The following ROBO1 variants were observed in gnomAD, a reference collection of about 807,000 sequenced individuals.
The protein encoded by ROBO1 is roundabout homolog 1.
A neutral mutation model predicts 195.9 loss-of-function variants in ROBO1; 149 were observed. The observed-to-expected ratio is 0.76, with a 90% confidence interval of 0.67 to 0.87. ROBO1 has a LOEUF of 0.87. Ranked by LOEUF, ROBO1 falls within the 40% of genes least tolerant of loss-of-function variation. ROBO1 has a pLI of 0.00. For synonymous variants in ROBO1, 816 were observed against 733.2 expected (o/e 1.11, Z -1.82); for missense variants, 1,933 against 2,068.3 (o/e 0.93, Z 1.27).
intron 2 of ROBO1, among the ~76,000 whole-genome samples, chr3:79,372,360 C>A (rs930631322): frequency 4.6e-5 from 7 of 152,008 alleles, no homozygotes; most frequent in African/African-American, 1.7e-4. Flanking sequence ...GTGGATGTGC[C>A]ACCACACCCA....
At chr3:79,159,607 G>C (rs761617409) in intron 2 of ROBO1, among the ~76,000 whole-genome samples, 2 of 151,960 alleles carry the variant, frequency 1.3e-5, no homozygotes, top group African/African-American at 2.4e-5. Flanking sequence ...TTGTATAATT[G>C]ATTGAGTCTC....
chr3:79,541,501 T>C (rs1942065226), intron 2 of ROBO1, among the ~76,000 whole-genome samples: 1 of 152,098 alleles, frequency 6.6e-6, no homozygotes, highest in Admixed American at 6.6e-5. Flanking sequence ...AGAGACAGTA[T>C]TTCTTTAAGG....
At chr3:78,651,973 C>A in intron 18 of ROBO1, 44 bp from the exon 19 acceptor site, 1 of 1,447,492 alleles carries the variant, frequency 6.9e-7, no homozygotes, top group Admixed American at 1.8e-5. Flanking sequence ...AGACTCAATG[C>A]AATAATGCAC....
intron 2 of ROBO1, among the ~76,000 whole-genome samples, chr3:79,557,673 C>T (rs544174989): frequency 1.4e-5 from 2 of 141,108 alleles, no homozygotes; most frequent in African/African-American, 2.8e-5. Flanking sequence ...GGTAGATGTT[C>T]GGTGACCCGA....
intron 2 of ROBO1, among the ~76,000 whole-genome samples, chr3:79,279,761 G>A (rs1442795910): frequency 6.6e-6 from 1 of 150,506 alleles, no homozygotes; most frequent in Non-Finnish European, 1.5e-5. Context: ...GTGATGTGAT[G>A]TATATATCAC....
At chr3:79,352,418 A>C (rs1559838607) in intron 2 of ROBO1, among the ~76,000 whole-genome samples, 1 of 152,238 alleles carries the variant, frequency 6.6e-6, no homozygotes, top group African/African-American at 2.4e-5. Context: ...TTACACAACT[A>C]TAATGCATTA....
intron 2 of ROBO1, among the ~76,000 whole-genome samples, chr3:79,178,156 T>G (rs981289140): frequency 6.6e-6 from 1 of 152,268 alleles, no homozygotes; most frequent in African/African-American, 2.4e-5. Flanking sequence ...TGGTAAAAGA[T>G]GCTTACTCAA....
At chr3:78,672,859 C>T (rs542709837) in intron 10 of ROBO1, among the ~76,000 whole-genome samples, 1 of 152,126 alleles carries the variant, frequency 6.6e-6, no homozygotes, top group East Asian at 1.9e-4. Context: ...GTGTAAGAAT[C>T]AGAAATGTTT....
At chr3:79,191,274 T>C (rs1293594151) in intron 2 of ROBO1, among the ~76,000 whole-genome samples, 1 of 151,448 alleles carries the variant, frequency 6.6e-6, no homozygotes, top group Non-Finnish European at 1.5e-5. Context: ...GATTTTTACA[T>C]AAGGCATACC....
chr3:79,588,720 A>T (rs950570420), intron 2 of ROBO1, among the ~76,000 whole-genome samples: 1 of 151,772 alleles, frequency 6.6e-6, no homozygotes, highest in African/African-American at 2.4e-5. Context: ...GGCTAAAATA[A>T]GAATACGTAG....
At chr3:79,108,450 A>G (rs964058308) in intron 3 of ROBO1, among the ~76,000 whole-genome samples, 10 of 151,826 alleles carry the variant, frequency 6.6e-5, no homozygotes, top group Admixed American at 6.6e-4. Context: ...ATTAAGTTCT[A>G]GAGAAATGTA....
At chr3:78,638,185 A>T (rs973810) in intron 22 of ROBO1, among the ~76,000 whole-genome samples, 1 of 145,598 alleles carries the variant, frequency 6.9e-6, no homozygotes, top group Admixed American at 6.7e-5. Context: ...GTGTGTGTGT[A>T]TATATATGTG....
intron 2 of ROBO1, among the ~76,000 whole-genome samples, chr3:79,517,104 G>A (rs199603157): frequency 5.9e-5 from 9 of 152,044 alleles, no homozygotes; most frequent in East Asian, 3.9e-4. Flanking sequence ...AAAATCATGC[G>A]CAGTCATTCC....
At position 79,196,180 on chromosome 3, in the gene ROBO1, G is replaced by GA. The variant is rs1490685657; in HGVS notation, c.89-70642dup. 2.0e-5 allele frequency among the ~76,000 whole-genome samples: 3 copies of GA among 151,410 alleles called. No individual in the cohort carries two copies. In the East Asian group the frequency reaches 5.8e-4, roughly 29 times the overall value. On this transcript the variant is annotated intron_variant, in intron 2 of 30. Transcript: ENST00000464233. ...AAGTGATGGATAAGGATACATTGTG[G>GA]AAAAGGTTTCTATCTTTCCAAGAGA...
chr3:79,317,135 C>T (rs372435730), intron 2 of ROBO1, among the ~76,000 whole-genome samples: 18 of 152,216 alleles, frequency 1.2e-4, no homozygotes, highest in African/African-American at 4.1e-4. Flanking sequence ...TAAGAATTCC[C>T]ATTTCCTAAG....
Position 79,280,341 on chromosome 3 carries a change from G to C in ROBO1, c.89-154802C>G, listed in dbSNP as rs2031410251. On this transcript the variant is annotated intron_variant, in intron 2 of 30. Coordinates refer to ENST00000464233, the MANE Select transcript of ROBO1 (RefSeq NM_002941.4). ...TTTGAAATATCATTATGTACTCTGAGAATATGTACAATTATTATTTTTAAT... is the reference window on the plus strand; with the variant it reads ...TTTGAAATATCATTATGTACTCTGACAATATGTACAATTATTATTTTTAAT... 2.0e-5 allele frequency among the ~76,000 whole-genome samples: 3 copies of C among 152,026 alleles called. No individual in the cohort carries two copies. In the South Asian group the frequency reaches 6.2e-4, roughly 31 times the overall value.
At chr3:79,494,764 G>GA (rs1056870910) in intron 2 of ROBO1, among the ~76,000 whole-genome samples, 3 of 151,998 alleles carry the variant, frequency 2.0e-5, no homozygotes, top group Non-Finnish European at 2.9e-5. Flanking sequence ...AGATATAACA[G>GA]AAAAAAATAT....
chr3:79,102,889 G>T (rs1448007505), intron 3 of ROBO1, among the ~76,000 whole-genome samples: 2 of 151,614 alleles, frequency 1.3e-5, no homozygotes, highest in Non-Finnish European at 2.9e-5. Flanking sequence ...TTCTAATTAA[G>T]AATAGTTAAC....
intron 2 of ROBO1, among the ~76,000 whole-genome samples, chr3:79,584,980 T>G (rs11718826): frequency 0.28 from 43,071 of 151,552 alleles, 6,237 homozygotes; most frequent in Non-Finnish European, 0.33. Flanking sequence ...AATATTTGAT[T>G]TATCTTATAT....
Sources: allele counts gnomAD v4.1 joint callset (sites outside exome capture counted in the v4.1 genomes callset), GRCh38; gene constraint gnomAD v4.1.1; transcripts MANE v1.5; gene names NCBI Gene and HGNC (gene_info 2026-07-23, HGNC 2026-07-21).